The following NLGN4X variants were observed in gnomAD, a reference collection of about 807,000 sequenced individuals.
The protein encoded by NLGN4X is neuroligin 4 X-linked.
In NLGN4X, 3 loss-of-function variants were observed where a neutral mutation model predicts 40.3. The observed-to-expected ratio is 0.07, with a 90% CI of 0.03 to 0.19. The LOEUF (loss-of-function observed/expected upper bound fraction) is 0.19. Ranked by LOEUF, NLGN4X falls within the 10% of genes least tolerant of loss-of-function variation. The pLI, the probability that NLGN4X is intolerant of heterozygous loss-of-function variation, is 1.00. For synonymous variants in NLGN4X, 270 were observed against 306.8 expected, an observed-to-expected ratio of 0.88 and a Z score of 1.25; for missense variants, 382 against 708.3, an observed-to-expected ratio of 0.54 and a Z score of 5.23.
In NLGN4X at chrX:6,014,906, G is replaced by A. The variant is rs1221988589; in HGVS notation, c.625+14374C>T. On this transcript the variant is annotated intron_variant, in intron 3 of 5. Transcript: ENST00000381095. ...TTTCCAGCTGCACTGATATTCTCAGGGACTCTGTGGCCACAGGGCCTTTGC... is the reference window on the plus strand; with the variant it reads ...TTTCCAGCTGCACTGATATTCTCAGAGACTCTGTGGCCACAGGGCCTTTGC... Among the ~76,000 whole-genome samples, 3 of 111,439 alleles carry A rather than the reference G, an allele frequency of 2.7e-5. No individual in the cohort carries two copies. The East Asian group carries it at 8.5e-4, about 31-fold the overall frequency.
chrX:6,041,659 T>C (rs1011262770), intron 2 of NLGN4X, among the ~76,000 whole-genome samples: 1 of 112,847 alleles, frequency 8.9e-6, no homozygotes, highest in African/African-American at 3.2e-5. Context: ...TCTTGTTAAA[T>C]AAGGTCTCCC....
chrX:6,118,893 T>A (rs1275776416), intron 2 of NLGN4X, among the ~76,000 whole-genome samples: 1 of 111,468 alleles, frequency 9.0e-6, no homozygotes, highest in Admixed American at 9.6e-5. Flanking sequence ...CTTGGACGCA[T>A]CAAGGATTCT....
At chrX:6,221,999 A>G (rs1371616676) in intron 1 of NLGN4X, among the ~76,000 whole-genome samples, 4 of 112,049 alleles carry the variant, frequency 3.6e-5, no homozygotes, top group African/African-American at 1.3e-4. Context: ...TAGCTCTTTT[A>G]TCAGTGCCAA....
intron 2 of NLGN4X, among the ~76,000 whole-genome samples, chrX:6,049,799 T>G: frequency 9.1e-6 from 1 of 110,243 alleles, no homozygotes; most frequent in African/African-American, 3.3e-5. Context: ...CCAAGTAAAT[T>G]TTTTAAATCT....
At chrX:6,149,687 A>G (rs148835610) in intron 2 of NLGN4X, among the ~76,000 whole-genome samples, 22 of 111,669 alleles carry the variant, frequency 2.0e-4, no homozygotes, top group African/African-American at 6.8e-4. Context: ...CGACAAGGGC[A>G]ATATGCCAGA....
At chrX:6,210,044 C>T (rs1029185283) in intron 1 of NLGN4X, among the ~76,000 whole-genome samples, 1 of 110,757 alleles carries the variant, frequency 9.0e-6, no homozygotes, top group Non-Finnish European at 1.9e-5. Context: ...TGTAGAAACG[C>T]GGTCTCATTA....
intron 2 of NLGN4X, among the ~76,000 whole-genome samples, chrX:6,091,988 C>T (rs2038652272): frequency 9.2e-6 from 1 of 108,301 alleles, no homozygotes; most frequent in Middle Eastern, 4.7e-3. Context: ...TTCCTTTCTT[C>T]CTTTCTTTCT....
intron 3 of NLGN4X, among the ~76,000 whole-genome samples, chrX:5,965,447 T>A (rs2034802850): frequency 1.8e-5 from 2 of 112,222 alleles, no homozygotes. Flanking sequence ...TGTGCACATC[T>A]TCGAGGCACT....
chrX:5,980,807 T>C (rs2035365017), intron 3 of NLGN4X, among the ~76,000 whole-genome samples: 1 of 111,382 alleles, frequency 9.0e-6, no homozygotes, highest in Admixed American at 9.7e-5. Context: ...AGCTCTATAC[T>C]AAGTCTTGAG....
chrX:5,973,074 T>C, intron 3 of NLGN4X, among the ~76,000 whole-genome samples: 1 of 112,395 alleles, frequency 8.9e-6, no homozygotes, highest in Non-Finnish European at 1.9e-5. Context: ...ACGGATGTAA[T>C]TAACAGGAAA....
intron 1 of NLGN4X, among the ~76,000 whole-genome samples, chrX:6,208,865 C>A (rs1254089474): frequency 4.5e-5 from 5 of 111,959 alleles, no homozygotes. Context: ...TCTTATCTAG[C>A]AATCCCACTA....
chrX:6,169,347 T>C (rs2040559160), intron 1 of NLGN4X, among the ~76,000 whole-genome samples: 1 of 112,959 alleles, frequency 8.9e-6, no homozygotes, highest in East Asian at 2.8e-4. Flanking sequence ...TAATCTGACA[T>C]TTACCAGGCA....
At chrX:6,218,434 G>C (rs1156427400) in intron 1 of NLGN4X, among the ~76,000 whole-genome samples, 1 of 107,517 alleles carries the variant, frequency 9.3e-6, no homozygotes, top group Admixed American at 1.0e-4. Flanking sequence ...TCAAGCTGTT[G>C]TTTTCCTTAA....
chrX:6,046,750 T>C (rs145054597), intron 2 of NLGN4X, among the ~76,000 whole-genome samples: 2,097 of 109,541 alleles, frequency 0.019, 45 homozygotes, highest in African/African-American at 0.064. Context: ...TACACATATA[T>C]GCACATACAC....
At chrX:5,927,340 A>G (rs892687485) in intron 3 of NLGN4X, among the ~76,000 whole-genome samples, 2 of 111,996 alleles carry the variant, frequency 1.8e-5, no homozygotes, top group South Asian at 7.5e-4. Context: ...CGTTTGATCA[A>G]TTGTACTTTC....
chrX:6,171,776 A>G (rs949887001), intron 1 of NLGN4X, among the ~76,000 whole-genome samples: 54 of 111,495 alleles, frequency 4.8e-4, no homozygotes, highest in African/African-American at 1.7e-3. Flanking sequence ...CTCTGATATG[A>G]TTTGGATCTG....
chrX:6,174,088 CA>C (rs199691778), intron 1 of NLGN4X, among the ~76,000 whole-genome samples: 2 of 108,191 alleles, frequency 1.8e-5, no homozygotes, highest in East Asian at 5.8e-4. Context: ...AAACAAAAAA[CA>C]AAAAAAAACT....
chrX:5,892,259 T>C lies in NLGN4X; in HGVS notation c.*558A>G. The C allele has an allele frequency of 7.1e-6, 1 of 140,379 alleles. No homozygotes were observed. Among genetic ancestry groups the C allele is most frequent in the Non-Finnish European group, 1.4e-5 (1 of 70,664 alleles). The allele number at this position is 140,379 out of a possible 1,213,427, so 11.6% of individuals were successfully genotyped here. Reference sequence around the variant, plus strand: ...CAAAACACCTCTTTGCACAGAACCGTACAGATTTCGCTGCACAGTCCATTC... The same window carrying C: ...CAAAACACCTCTTTGCACAGAACCGCACAGATTTCGCTGCACAGTCCATTC... On this transcript the variant is annotated 3_prime_UTR_variant, in exon 6 of 6. Transcript: ENST00000381095.
chrX:6,116,110 G>A (rs1055565809), intron 2 of NLGN4X, among the ~76,000 whole-genome samples: 5 of 106,649 alleles, frequency 4.7e-5, no homozygotes, highest in Admixed American at 1.0e-4. Flanking sequence ...TGGCTAACAC[G>A]GTGAAACCCC....
Sources: gnomAD v4.1 joint callset for allele counts (sites outside exome capture counted in the v4.1 genomes callset) on GRCh38, gnomAD v4.1.1 for gene constraint, MANE v1.5 for transcripts, NCBI Gene and HGNC (gene_info 2026-07-23, HGNC 2026-07-21) for gene names.